Variants in PJA2 observed in about 807,000 individuals in gnomAD.
The protein encoded by PJA2 is E3 ubiquitin-protein ligase Praja-2.
A neutral mutation model predicts 69.3 loss-of-function variants in PJA2; 25 were observed. The ratio of observed to expected loss-of-function variants is 0.36; its 90% CI spans 0.26 to 0.50. PJA2 has a LOEUF of 0.50. PJA2 is among the 20% of genes least tolerant of loss of function. The probability of loss-of-function intolerance (pLI) is 0.96; values close to 1 mark genes in which losing one functional copy is unlikely to be tolerated. For synonymous variants in PJA2, 308 were observed against 277.8 expected (o/e 1.11, Z -1.08); for missense variants, 809 against 830.2 (o/e 0.97, Z 0.31).
chr5:109,341,158 C>T (rs1461741714), intron 9 of PJA2, among the ~76,000 whole-genome samples: 9 of 107,910 alleles, frequency 8.3e-5, no homozygotes, highest in East Asian at 2.3e-4. Flanking sequence ...AAGTGAGGAG[C>T]GTCTCCGCCC....
intron 7 of PJA2, among the ~76,000 whole-genome samples, chr5:109,354,255 CTATGATG>C (rs1762356160): frequency 6.7e-6 from 1 of 148,236 alleles, no homozygotes; most frequent in Non-Finnish European, 1.5e-5. Flanking sequence ...GATTAGATAT[CTATGATG>C]TCTAGAGATA....
intron 5 of PJA2, among the ~76,000 whole-genome samples, chr5:109,367,673 T>C (rs1762608101): frequency 6.6e-6 from 1 of 152,174 alleles, no homozygotes; most frequent in Admixed American, 6.5e-5. Flanking sequence ...TCTAGGAATC[T>C]CATTATAAAA....
In PJA2 at chr5:109,335,552, T is replaced by G. The variant is rs1460984913; in HGVS notation, c.*1679A>C. ...TTTAACCAGTAAGTGTCACAACTGA[T>G]CAACAGTACTTAAAAGGAAACAAAC... On this transcript the variant is annotated 3_prime_UTR_variant, in exon 10 of 10. Coordinates refer to ENST00000361189, the MANE Select transcript of PJA2 (RefSeq NM_014819.5). The G allele has an allele frequency of 6.6e-6, 1 of 152,170 alleles. No homozygotes were observed. The highest frequency in any genetic ancestry group is 1.5e-5 in the Non-Finnish European group (1 of 68,000). The allele number at this position is 152,170 out of a possible 1,614,324, so 9.4% of individuals were successfully genotyped here.
At chr5:109,399,488 G>A (rs780675218) in intron 1 of PJA2, among the ~76,000 whole-genome samples, 14 of 152,148 alleles carry the variant, frequency 9.2e-5, no homozygotes, top group Non-Finnish European at 1.9e-4. Context: ...GGAACACTTA[G>A]AAAAATCAGG....
chr5:109,395,414 G>A (rs1747384584), intron 1 of PJA2, among the ~76,000 whole-genome samples: 1 of 151,988 alleles, frequency 6.6e-6, no homozygotes, highest in South Asian at 2.1e-4. Flanking sequence ...TGTAGTCCCA[G>A]CTACATGCGA....
intron 1 of PJA2, among the ~76,000 whole-genome samples, chr5:109,396,672 G>A (rs1336804339): frequency 2.0e-5 from 3 of 149,294 alleles, no homozygotes; most frequent in Non-Finnish European, 3.0e-5. Context: ...TGATCCACCT[G>A]CCTCGACCTC....
At chr5:109,342,360 CGTCCGGG>C (rs1762084853) in intron 9 of PJA2, among the ~76,000 whole-genome samples, 4 of 114,448 alleles carry the variant, frequency 3.5e-5, no homozygotes, top group African/African-American at 1.4e-4. Context: ...CCAGCCGCCC[CGTCCGGG>C]AGGGAGGTGG....
intron 1 of PJA2, among the ~76,000 whole-genome samples, chr5:109,399,140 G>A (rs887167294): frequency 9.9e-5 from 15 of 151,724 alleles, no homozygotes; most frequent in Admixed American, 7.9e-4. Flanking sequence ...TAACCTGCGT[G>A]GCAGAGGTTG....
intron 5 of PJA2, among the ~76,000 whole-genome samples, chr5:109,364,267 A>G (rs1161175544): frequency 1.3e-5 from 2 of 152,188 alleles, no homozygotes; most frequent in Non-Finnish European, 2.9e-5. Flanking sequence ...GTACATGTGT[A>G]TATGCACCCC....
Position 109,378,258 on chromosome 5 carries a change from G to C in PJA2, c.1229C>G (p.Thr410Ser). The C allele has an allele frequency of 6.2e-7, 1 of 1,613,804 alleles. No individual in the cohort carries two copies. Among genetic ancestry groups the C allele is most frequent in the Non-Finnish European group, 8.5e-7 (1 of 1,179,844 alleles). Reference protein sequence around the residue: ...ATAGRQEVDNTFWNGCGDYYQ... With the variant: ...ATAGRQEVDNSFWNGCGDYYQ... ...ATAATCTCCACAGCCATTCCAAAAG[G>C]TGTTATCCACCTCTTGCCTTCCTGC... The change falls in exon 4 of 10, where the codon ACC becomes AGC. Residue 410 changes from threonine (T) to serine (S), a missense_variant. Around this residue, in one of 4 missense-constraint regions of PJA2, gnomAD observed 700 missense variants for 639.5 expected, o/e 1.09. Transcript: ENST00000361189.
intron 4 of PJA2, among the ~76,000 whole-genome samples, chr5:109,371,337 A>T (rs1424716966): frequency 6.6e-6 from 1 of 152,220 alleles, no homozygotes; most frequent in Non-Finnish European, 1.5e-5. Flanking sequence ...AAATTCTATT[A>T]TAAAATTAAT....
At chr5:109,361,937 A>G (rs1762512819) in intron 6 of PJA2, among the ~76,000 whole-genome samples, 1 of 152,220 alleles carries the variant, frequency 6.6e-6, no homozygotes, top group Non-Finnish European at 1.5e-5. Flanking sequence ...ACACACAGAA[A>G]GAGAAATTAA....
At chr5:109,393,889 A>G (rs899473226) in intron 1 of PJA2, among the ~76,000 whole-genome samples, 13 of 152,188 alleles carry the variant, frequency 8.5e-5, no homozygotes, top group African/African-American at 2.9e-4. Flanking sequence ...TTCCATTTTT[A>G]TAAAAGTTCA....
chr5:109,368,528 A>G, intron 5 of PJA2, 33 bp downstream of exon 5: 1 of 1,568,142 alleles, frequency 6.4e-7, no homozygotes, highest in Non-Finnish European at 8.7e-7. Context: ...CTTGTACAAT[A>G]TACAGAAAAA....
At chr5:109,386,711 A>G (rs1384346568) in intron 1 of PJA2, among the ~76,000 whole-genome samples, 1 of 152,152 alleles carries the variant, frequency 6.6e-6, no homozygotes, top group Non-Finnish European at 1.5e-5. Context: ...TGTTGGAGGC[A>G]AACACTGAGT....
At position 109,381,488 on chromosome 5, in the gene PJA2, T is replaced by C. The variant is rs764476824; in HGVS notation, c.232+15A>G. On this transcript the variant is annotated intron_variant, in intron 3 of 9. Coordinates refer to ENST00000361189, the MANE Select transcript of PJA2 (RefSeq NM_014819.5). Reference sequence around the variant, plus strand: ...ATAACTATTAATAACCTTTAAATAATTAAATGTTACACACCTGAGGAATTT... The same window carrying C: ...ATAACTATTAATAACCTTTAAATAACTAAATGTTACACACCTGAGGAATTT... 1 of 1,608,406 alleles carries C rather than the reference T, an allele frequency of 6.2e-7. No homozygotes were observed. Among genetic ancestry groups the C allele is most frequent in the South Asian group, 1.1e-5 (1 of 90,572 alleles).
At chr5:109,383,310 C>G (rs754259272) in intron 2 of PJA2, 93 bp downstream of exon 2, 19 of 1,105,880 alleles carry the variant, frequency 1.7e-5, no homozygotes, top group Non-Finnish European at 2.6e-5. Context: ...AGTAAGACCA[C>G]AGGTCAGATG....
At chr5:109,371,446 A>G (rs1230742594) in intron 4 of PJA2, among the ~76,000 whole-genome samples, 1 of 152,148 alleles carries the variant, frequency 6.6e-6, no homozygotes, top group Non-Finnish European at 1.5e-5. Flanking sequence ...CAAACTCCCC[A>G]CATTCAAATC....
intron 7 of PJA2, among the ~76,000 whole-genome samples, chr5:109,353,426 T>C (rs552672118): frequency 5.9e-5 from 3 of 50,992 alleles, no homozygotes; most frequent in Admixed American, 2.0e-4. Flanking sequence ...CATCTATATA[T>C]TAGATACCTA....
Sources: allele counts gnomAD v4.1 joint callset (sites outside exome capture counted in the v4.1 genomes callset), GRCh38; gene constraint gnomAD v4.1.1; regional missense constraint gnomAD v4.1.1; transcripts MANE v1.5; gene names NCBI Gene and HGNC (gene_info 2026-07-23, HGNC 2026-07-21).